The following MED15 variants were observed in gnomAD, a reference collection of about 807,000 sequenced individuals.
MED15 encodes the protein mediator complex subunit 15, also known as mediator of RNA polymerase II transcription subunit 15.
Under a neutral mutation model 118.7 loss-of-function variants are expected in MED15, and 41 were observed. The observed-to-expected ratio is 0.35, with a 90% CI of 0.27 to 0.45. The LOEUF (loss-of-function observed/expected upper bound fraction) is 0.45. MED15 is among the 20% of genes least tolerant of loss of function. The pLI is 1.00. For missense variants in MED15, 740 were observed against 1,025.5 expected, an observed-to-expected ratio of 0.72 and a Z score of 3.80; for synonymous variants, 436 against 413.9, an observed-to-expected ratio of 1.05 and a Z score of -0.65.
chr22:20,533,624 G>A (rs1285769200), intron 1 of MED15, among the ~76,000 whole-genome samples: 1 of 152,148 alleles, frequency 6.6e-6, no homozygotes, highest in African/African-American at 2.4e-5. Context: ...CTGACCCTCC[G>A]AAGCTCATGT....
intron 5 of MED15, among the ~76,000 whole-genome samples, chr22:20,562,327 AAAT>A (rs1223148509): frequency 1.3e-5 from 2 of 152,220 alleles, no homozygotes; most frequent in Non-Finnish European, 2.9e-5. Context: ...ATGTTTATAA[AAAT>A]AAATCATAAA....
At chr22:20,580,170 G>A (rs2056939287) in intron 9 of MED15, among the ~76,000 whole-genome samples, 1 of 152,136 alleles carries the variant, frequency 6.6e-6, no homozygotes, top group Non-Finnish European at 1.5e-5. Context: ...CTGACCTGGG[G>A]CAGCTGAAGA....
At chr22:20,523,454 G>A (rs2054530559) in intron 1 of MED15, among the ~76,000 whole-genome samples, 1 of 152,044 alleles carries the variant, frequency 6.6e-6, no homozygotes, top group Admixed American at 6.6e-5. Flanking sequence ...AGCAACATAT[G>A]GCCAGTGTTG....
At chr22:20,540,849 G>T (rs187325646) in intron 2 of MED15, among the ~76,000 whole-genome samples, 6 of 152,028 alleles carry the variant, frequency 3.9e-5, no homozygotes, top group Admixed American at 3.9e-4. Context: ...TCACATATCA[G>T]GTAAGGGTTT....
chr22:20,572,734 C>T lies in MED15; in HGVS notation c.1153-2379C>T, dbSNP rs111878226. Among the ~76,000 whole-genome samples, 28 of 152,274 alleles carry T rather than the reference C, an allele frequency of 1.8e-4. 1 individual carries two copies. The highest frequency in any genetic ancestry group is 6.7e-4 in the African/African-American group (28 of 41,540). On this transcript the variant is annotated intron_variant, in intron 8 of 17. Transcript: ENST00000263205. ...AGGAGTTCAAAACTATCCTGGGCAA[C>T]ACAGCGAGACCCTGTCTCTACAAAA...
chr22:20,542,785 T>C (rs2055362184), intron 2 of MED15, among the ~76,000 whole-genome samples: 1 of 152,236 alleles, frequency 6.6e-6, no homozygotes, highest in Non-Finnish European at 1.5e-5. Flanking sequence ...AAAATCCTTG[T>C]GGAACTTCTA....
At chr22:20,534,763 ATGCCTCGCTTCCC>A (rs1189390706) in intron 1 of MED15, among the ~76,000 whole-genome samples, 3 of 152,084 alleles carry the variant, frequency 2.0e-5, no homozygotes, top group African/African-American at 7.2e-5. Flanking sequence ...CAGCCCACCC[ATGCCTCGCTTCCC>A]CAGGACTCTG....
At chr22:20,571,668 A>G (rs2056665892) in intron 8 of MED15, among the ~76,000 whole-genome samples, 1 of 152,236 alleles carries the variant, frequency 6.6e-6, no homozygotes, top group Non-Finnish European at 1.5e-5. Flanking sequence ...CACCAATAGC[A>G]GCGCCCCCTG....
rs573588422 is a variant in MED15 at position 20,515,251 on chromosome 22, C to T, written c.68+7505C>T. Among the ~76,000 whole-genome samples, 6 of 152,320 alleles carry T rather than the reference C, an allele frequency of 3.9e-5. No individual in the cohort carries two copies. In the South Asian group the frequency reaches 8.3e-4, roughly 21 times the overall value. ...GTTGACAGATGTTGACTCATCCCCT[C>T]TTCATGCTTTCTTTGTCAGTAGATG... On this transcript the variant is annotated intron_variant, in intron 1 of 17. Coordinates refer to ENST00000263205, the MANE Select transcript of MED15 (RefSeq NM_001003891.3).
Position 20,566,618 on chromosome 22 carries a change from C to T in MED15, c.842C>T (p.Pro281Leu), listed in dbSNP as rs753090219. Reference protein sequence around the residue: ...QQPPMQQPQPPPSQALPQQLQ... With the variant: ...QQPPMQQPQPLPSQALPQQLQ... ...CCACCGATGCAGCAGCCACAGCCTC[C>T]GCCCTCCCAGGCTCTGCCCCAGCAG... The change falls in exon 7 of 18, where the codon CCG (proline) becomes CTG (leucine). Residue 281 changes from proline to leucine, a missense_variant. Physicochemically the swap from Pro to Leu is moderately conservative, Grantham distance 98. Around this residue, in one of 7 missense-constraint regions of MED15, gnomAD observed 384 missense variants for 506.3 expected, o/e 0.76. Coordinates refer to ENST00000263205, the MANE Select transcript of MED15 (RefSeq NM_001003891.3). 6.8e-6 allele frequency: 11 copies of T among 1,613,948 alleles called. No homozygotes were observed. Among genetic ancestry groups the T allele is most frequent in the Middle Eastern group, 1.6e-4 (1 of 6,084 alleles).
At chr22:20,573,455 C>G (rs1290024607) in intron 8 of MED15, among the ~76,000 whole-genome samples, 1 of 151,908 alleles carries the variant, frequency 6.6e-6, no homozygotes, top group Admixed American at 6.6e-5. Flanking sequence ...CTGGAGGACC[C>G]TCTCTCTTTT....
intron 2 of MED15, among the ~76,000 whole-genome samples, chr22:20,542,057 A>G (rs1328270279): frequency 2.6e-5 from 4 of 152,158 alleles, no homozygotes; most frequent in Non-Finnish European, 4.4e-5. Flanking sequence ...GCCTCCCCAA[A>G]GTGCTGGGAT....
At chr22:20,580,872 T>C (rs942352776) in intron 9 of MED15, among the ~76,000 whole-genome samples, 1 of 152,218 alleles carries the variant, frequency 6.6e-6, no homozygotes, top group South Asian at 2.1e-4. Context: ...TTTCTGACCT[T>C]GCTAACCTTT....
intron 6 of MED15, among the ~76,000 whole-genome samples, chr22:20,566,136 T>C (rs2056431096): frequency 6.6e-6 from 1 of 150,580 alleles, no homozygotes. Context: ...GCCCCACCAG[T>C]TTAAGTGATT....
At chr22:20,566,147 C>T (rs1262671741) in intron 6 of MED15, among the ~76,000 whole-genome samples, 2 of 149,410 alleles carry the variant, frequency 1.3e-5, no homozygotes, top group Non-Finnish European at 1.5e-5. Context: ...TTAAGTGATT[C>T]TCCTGCCTCA....
At chr22:20,527,302 C>A (rs549212436) in intron 1 of MED15, among the ~76,000 whole-genome samples, 76 of 152,110 alleles carry the variant, frequency 5.0e-4, no homozygotes, top group Non-Finnish European at 1.0e-3. Context: ...TCAATTTTTT[C>A]TTTGACCTTT....
chr22:20,511,128 TCCTC>T (rs1222899703), intron 1 of MED15, among the ~76,000 whole-genome samples: 1 of 152,214 alleles, frequency 6.6e-6, no homozygotes, highest in Non-Finnish European at 1.5e-5. Flanking sequence ...ACTCTTAACT[TCCTC>T]CCATGTTTTT....
intron 2 of MED15, among the ~76,000 whole-genome samples, chr22:20,543,042 A>G (rs1478982892): frequency 2.0e-5 from 3 of 151,966 alleles, no homozygotes; most frequent in Admixed American, 2.0e-4. Context: ...ATAGCCTGAG[A>G]ATTTCCCAAA....
At chr22:20,578,454 T>A (rs187321253) in intron 9 of MED15, among the ~76,000 whole-genome samples, 1 of 152,140 alleles carries the variant, frequency 6.6e-6, no homozygotes, top group Non-Finnish European at 1.5e-5. Flanking sequence ...CTTGGTACAG[T>A]CTCCCACACC....
Sources: gnomAD v4.1 joint callset for allele counts (sites outside exome capture counted in the v4.1 genomes callset) on GRCh38, gnomAD v4.1.1 for gene constraint, gnomAD v4.1.1 regional missense constraint, MANE v1.5 for transcripts, NCBI Gene and HGNC (gene_info 2026-07-23, HGNC 2026-07-21) for gene names.